SBK2: variants seen among roughly 807,000 people sequenced by gnomAD.
SBK2 encodes serine/threonine-protein kinase SBK2.
Under a neutral mutation model 15.9 loss-of-function variants are expected in SBK2, and 18 were observed. That is an observed-to-expected ratio of 1.13 (90% CI 0.78 to 1.68). The LOEUF is 1.68. Among genes scored for constraint, SBK2 ranks in the 40% most tolerant of loss-of-function variants. The pLI is 0.00. For missense variants in SBK2, 581 were observed against 510.9 expected, an observed-to-expected ratio of 1.14 and a Z score of -1.32; for synonymous variants, 284 against 246.8, an observed-to-expected ratio of 1.15 and a Z score of -1.41.
Position 55,536,504 on chromosome 19 carries a change from C to CGCCG in SBK2, c.-2-212_-2-209dup, listed in dbSNP as rs535336840. ...GTCACAGATGTCCCTGCCCGCGTGCCGCCGCCGCCACCCGCCCACCCTGAG... is the reference window on the plus strand; with the variant it reads ...GTCACAGATGTCCCTGCCCGCGTGCCGCCGGCCGCCGCCACCCGCCCACCCTGAG... On this transcript the variant is annotated intron_variant, in intron 1 of 3. Coordinates refer to ENST00000413299, the MANE Select transcript of SBK2 (RefSeq NM_001370096.2). Among the ~76,000 whole-genome samples the CGCCG allele has an allele frequency of 6.1e-3, 920 of 151,278 alleles. 11 individuals carry two copies. The highest frequency in any genetic ancestry group is 0.021 in the African/African-American group (876 of 40,948).
Position 55,529,583 on chromosome 19 carries a change from G to T in SBK2, c.*150C>A. The T allele has an allele frequency of 8.6e-7, 1 of 1,159,888 alleles. No homozygotes were observed. Among genetic ancestry groups the T allele is most frequent in the Non-Finnish European group, 1.2e-6 (1 of 856,212 alleles). 71.8% of individuals were successfully genotyped at this position (1,159,888 alleles called of 1,614,324 possible). A position where few individuals can be genotyped will look rare whatever the true frequency, so the allele number is the denominator to read the frequency against. On this transcript the variant is annotated 3_prime_UTR_variant, in exon 4 of 4. Coordinates refer to ENST00000413299, the MANE Select transcript of SBK2 (RefSeq NM_001370096.2). ...CTGAGGCCCTCATGGACCAAGGGAG[G>T]AATGCAGCCTGCAGAGAGGAGAGAG... is the stretch of plus-strand genomic sequence containing the variant.
chr19:55,532,598 G>T (rs1042556722), intron 2 of SBK2, among the ~76,000 whole-genome samples: 1 of 91,574 alleles, frequency 1.1e-5, no homozygotes, highest in Admixed American at 1.4e-4. Flanking sequence ...CACTACACCC[G>T]CCCTTTTTTT....
chr19:55,530,160 G>A lies in SBK2; in HGVS notation c.620C>T (p.Thr207Met), dbSNP rs1361131712. ...RRFKLTDFGH[T>M]RPRGTLLRLA... ...GCGCAGCAGCGTCCCGCGAGGCCTC[G>A]TGTGGCCGAAGTCGGTCAGCTTGAA... Residue 207 changes from threonine (T) to methionine (M), a missense_variant, in exon 4 of 4, where the codon ACG (threonine) becomes ATG (methionine). Coordinates refer to ENST00000413299, the MANE Select transcript of SBK2 (RefSeq NM_001370096.2). 3.3e-6 allele frequency: 5 copies of A among 1,518,484 alleles called. No individual in the cohort carries two copies. The highest frequency in any genetic ancestry group is 2.8e-5 in the African/African-American group (2 of 70,300). The allele number at this position is 1,518,484 out of a possible 1,614,324, so 94.1% of individuals were successfully genotyped here.
In SBK2 at chr19:55,536,306, C is replaced by T. The variant is rs763761063; in HGVS notation, c.-2-10G>A. ...TGTTTGCCGGGCATCTCTGCGAGAACAGAGAGGGGTGCCCAGGCTCAGGTC... is the reference window on the plus strand; with the variant it reads ...TGTTTGCCGGGCATCTCTGCGAGAATAGAGAGGGGTGCCCAGGCTCAGGTC... On this transcript the variant is annotated splice_polypyrimidine_tract_variant and intron_variant, in intron 1 of 3. Coordinates refer to ENST00000413299, the MANE Select transcript of SBK2 (RefSeq NM_001370096.2). 8.7e-6 allele frequency: 13 copies of T among 1,496,086 alleles called. No individual in the cohort carries two copies. The highest frequency in any genetic ancestry group is 1.2e-5 in the Non-Finnish European group (13 of 1,128,956). The allele number at this position is 1,496,086 out of a possible 1,614,324, so 92.7% of individuals were successfully genotyped here. A position where few individuals can be genotyped will look rare whatever the true frequency, so the allele number is the denominator to read the frequency against.
chr19:55,531,486 C>T, intron 2 of SBK2, 141 bp from the exon 3 acceptor site: 1 of 669,294 alleles, frequency 1.5e-6, no homozygotes, highest in Non-Finnish European at 2.7e-6. Flanking sequence ...CTCCAACTCC[C>T]ACCTCCCTCC....
At position 55,529,572 on chromosome 19, in the gene SBK2, G is replaced by A. The variant is rs899241892; in HGVS notation, c.*161C>T. 6.7e-6 allele frequency among the ~76,000 whole-genome samples: 1 copy of A among 149,678 alleles called. No individual in the cohort carries two copies. Among genetic ancestry groups the A allele is most frequent in the East Asian group, 2.0e-4 (1 of 4,964 alleles). ...CATGCAGAGGTCTGAGGCCCTCATG[G>A]ACCAAGGGAGGAATGCAGCCTGCAG... On this transcript the variant is annotated 3_prime_UTR_variant, in exon 4 of 4. Transcript: ENST00000413299.
chr19:55,534,956 C>T (rs1443019871), intron 2 of SBK2, among the ~76,000 whole-genome samples: 5 of 150,988 alleles, frequency 3.3e-5, no homozygotes, highest in Non-Finnish European at 5.9e-5. Flanking sequence ...ACTTGGAAAG[C>T]GGAGGTTGCA....
At chr19:55,534,743 G>A (rs1347360609) in intron 2 of SBK2, among the ~76,000 whole-genome samples, 1 of 143,604 alleles carries the variant, frequency 7.0e-6, no homozygotes, top group African/African-American at 2.6e-5. Context: ...AAAGAAAAAA[G>A]GCCAGGCACA....
chr19:55,536,495 C>A (rs996279770), intron 1 of SBK2, among the ~76,000 whole-genome samples, 199 bp from the exon 2 acceptor site: 3 of 149,366 alleles, frequency 2.0e-5, no homozygotes, highest in Non-Finnish European at 4.4e-5. Context: ...GATGTCCCTG[C>A]CCGCGTGCCG....
At chr19:55,531,024 G>T (rs1445409508) in intron 3 of SBK2, 119 bp downstream of exon 3, 13 of 887,698 alleles carry the variant, frequency 1.5e-5, no homozygotes, top group Non-Finnish European at 2.1e-5. Context: ...CCTCCGGGGG[G>T]TAGGGGAGGC....
intron 2 of SBK2, among the ~76,000 whole-genome samples, chr19:55,535,665 C>T (rs180757176): frequency 2.0e-5 from 3 of 152,166 alleles, no homozygotes; most frequent in South Asian, 2.1e-4. Context: ...GCCAGGAGTA[C>T]GAGACCACCC....
At chr19:55,535,369 ACT>A (rs759460853) in intron 2 of SBK2, among the ~76,000 whole-genome samples, 18 of 152,120 alleles carry the variant, frequency 1.2e-4, no homozygotes, top group Non-Finnish European at 2.4e-4. Context: ...AGACAGCATC[ACT>A]CTGCATCATC....
At chr19:55,531,121 G>C (rs372779698) in intron 3 of SBK2, 22 bp downstream of exon 3, 5 of 1,600,882 alleles carry the variant, frequency 3.1e-6, no homozygotes, top group Admixed American at 1.7e-5. Context: ...ACTCGGAGGC[G>C]GCCTGGGGTC....
chr19:55,530,574 G>GGGGTC (rs1599941301), intron 3 of SBK2, among the ~76,000 whole-genome samples: 2 of 23,294 alleles, frequency 8.6e-5, no homozygotes, highest in African/African-American at 1.3e-4. Flanking sequence ...TGGGTTTAGT[G>GGGGTC]TGGCTTAGTG....
At position 55,529,719 on chromosome 19, in the gene SBK2, C is replaced by A. The variant is rs769478880; in HGVS notation, c.*14G>T. Reference sequence around the variant, plus strand: ...GGTGGGGCGGCTTCCCTTTCTGCATCCCCCGGGGCCTCCTCACTGCCCAGC... The same window carrying A: ...GGTGGGGCGGCTTCCCTTTCTGCATACCCCGGGGCCTCCTCACTGCCCAGC... On this transcript the variant is annotated 3_prime_UTR_variant, in exon 4 of 4. Transcript: ENST00000413299. The A allele has an allele frequency of 5.6e-6, 9 of 1,594,280 alleles. No individual in the cohort carries two copies. The highest frequency in any genetic ancestry group is 7.6e-6 in the Non-Finnish European group (9 of 1,177,294).
rs1264561901 is a variant in SBK2 at position 55,536,083 on chromosome 19, C to T, written c.212G>A (p.Gly71Asp). 6.6e-7 allele frequency: 1 copy of T among 1,516,662 alleles called. No homozygotes were observed. The highest frequency in any genetic ancestry group is 2.0e-5 in the Admixed American group (1 of 49,564). The allele number at this position is 1,516,662 out of a possible 1,614,324, so 94.0% of individuals were successfully genotyped here. Residue 71 changes from glycine (G) to aspartate (D), a missense_variant, in exon 2 of 4, where the codon GGT (glycine) becomes GAT (aspartate). Physicochemically the swap from Gly to Asp is moderately conservative, Grantham distance 94. Coordinates refer to ENST00000413299, the MANE Select transcript of SBK2 (RefSeq NM_001370096.2). Reference sequence around the variant, plus strand: ...GACCAGAAGGACGCGGCCATAGCAACCCTGGCCCAGGGGACGCACTTCCTC... The same window carrying T: ...GACCAGAAGGACGCGGCCATAGCAATCCTGGCCCAGGGGACGCACTTCCTC... ...LYEEVRPLGQ[G>D]CYGRVLLVTH...
rs1341681831 is a variant in SBK2, at chr19:55,530,220, TCCGG to T, written c.556_559del (p.Pro186ArgfsTer15). ...GGCCGGGTCGCACACCAGGACGTTC[TCCGG>T]CTTCAGGTCCCGGTACACCAGGCCG... On this transcript the variant is annotated frameshift_variant, in exon 4 of 4. Coordinates refer to ENST00000413299, the MANE Select transcript of SBK2 (RefSeq NM_001370096.2). LOFTEE classifies it low-confidence loss of function (END_TRUNC). The T allele has an allele frequency of 1.3e-6, 2 of 1,535,060 alleles. No homozygotes were observed. The highest frequency in any genetic ancestry group is 5.0e-5 in the East Asian group (2 of 39,888).
chr19:55,534,704 C>CAAAAAAAAAAAAAAAAA (rs35461460), intron 2 of SBK2, among the ~76,000 whole-genome samples: 14 of 82,468 alleles, frequency 1.7e-4, no homozygotes, highest in East Asian at 3.6e-4. Context: ...GACCCTGTCT[C>CAAAAAAAAAAAAAAAAA]AAAAAAAAAA....
chr19:55,535,322 C>T (rs1054803793), intron 2 of SBK2, among the ~76,000 whole-genome samples: 7 of 152,130 alleles, frequency 4.6e-5, no homozygotes, highest in African/African-American at 9.7e-5. Context: ...AGCTGTCCTG[C>T]GCACCCACTG....
Sources: allele counts gnomAD v4.1 joint callset (sites outside exome capture counted in the v4.1 genomes callset), GRCh38; gene constraint gnomAD v4.1.1; transcripts MANE v1.5; gene names NCBI Gene and HGNC (gene_info 2026-07-23, HGNC 2026-07-21).